The following CARMIL1 variants were observed in gnomAD, a reference collection of about 807,000 sequenced individuals.
The protein encoded by CARMIL1 is capping protein regulator and myosin 1 linker 1.
Under a neutral mutation model 177.1 loss-of-function variants are expected in CARMIL1, and 90 were observed. That is an observed-to-expected ratio of 0.51 (90% CI 0.43 to 0.61). The LOEUF (loss-of-function observed/expected upper bound fraction) is 0.61, where lower values mean the gene tolerates loss of function less well. Ranked by LOEUF, CARMIL1 falls within the 20% of genes least tolerant of loss-of-function variation. CARMIL1 has a pLI of 0.00. For synonymous variants in CARMIL1, 577 were observed against 606.2 expected, an observed-to-expected ratio of 0.95 and a Z score of 0.71; for missense variants, 1,380 against 1,667.0, an observed-to-expected ratio of 0.83 and a Z score of 3.00.
intron 2 of CARMIL1, among the ~76,000 whole-genome samples, chr6:25,293,165 C>A (rs891908799): frequency 3.3e-5 from 5 of 150,098 alleles, no homozygotes; most frequent in Non-Finnish European, 7.4e-5. Flanking sequence ...TTGTCTAAAT[C>A]TTTACGTTAC....
At position 25,556,718 on chromosome 6, in the gene CARMIL1, A is replaced by G. The variant is rs772682048; in HGVS notation, c.2610A>G (p.Arg870=). The change falls in exon 29 of 37, where the codon AGA becomes AGG. Residue 870 remains arginine, a synonymous_variant. Transcript: ENST00000329474. ...CHHKLADHFS[R]RGKTLPQQES... ...CCTTCTAGGCTGACCATTTCAGCAG[A>G]CGTGGCAAGACCCTTCCTCAACAAG... The G allele has an allele frequency of 2.2e-5, 35 of 1,613,064 alleles. No individual in the cohort carries two copies. Among genetic ancestry groups the G allele is most frequent in the Admixed American group, 1.7e-5 (1 of 59,814 alleles).
intron 31 of CARMIL1, among the ~76,000 whole-genome samples, chr6:25,591,008 T>C (rs1309325539): frequency 2.6e-5 from 4 of 152,254 alleles, no homozygotes; most frequent in African/African-American, 9.6e-5. Flanking sequence ...TAATTTTCCA[T>C]GTTTTTTACA....
chr6:25,309,764 ATCTTTTTTTT>A (rs1386826052), intron 2 of CARMIL1, among the ~76,000 whole-genome samples: 1 of 122,612 alleles, frequency 8.2e-6, no homozygotes, highest in African/African-American at 3.5e-5. Flanking sequence ...AATATACCAC[ATCTTTTTTTT>A]TTTTTTTTTT....
chr6:25,377,694 T>G (rs958986002), intron 2 of CARMIL1, among the ~76,000 whole-genome samples: 2 of 152,180 alleles, frequency 1.3e-5, no homozygotes, highest in Non-Finnish European at 2.9e-5. Flanking sequence ...ACTGGTCACA[T>G]GGACAGACTC....
At chr6:25,474,110 A>G (rs988825815) in intron 11 of CARMIL1, among the ~76,000 whole-genome samples, 1 of 142,740 alleles carries the variant, frequency 7.0e-6, no homozygotes, top group Non-Finnish European at 1.5e-5. Flanking sequence ...ATGAGTATTA[A>G]TTTTTTTTTT....
chr6:25,459,122 T>A (rs1453307554), intron 8 of CARMIL1, among the ~76,000 whole-genome samples: 3 of 151,892 alleles, frequency 2.0e-5, no homozygotes, highest in African/African-American at 7.2e-5. Flanking sequence ...TGGAAAGATA[T>A]AAGAGAAAAA....
chr6:25,400,281 T>G (rs1793778688), intron 2 of CARMIL1, among the ~76,000 whole-genome samples: 1 of 152,148 alleles, frequency 6.6e-6, no homozygotes, highest in Non-Finnish European at 1.5e-5. Context: ...GGATAAGGCC[T>G]ATAAAGAAAG....
chr6:25,323,227 A>G (rs1193386027), intron 2 of CARMIL1, among the ~76,000 whole-genome samples: 1 of 151,862 alleles, frequency 6.6e-6, no homozygotes, highest in Non-Finnish European at 1.5e-5. Flanking sequence ...CTGGTGCAGC[A>G]TCTGGAAAAG....
At chr6:25,526,415 TAAA>T (rs112582162) in intron 23 of CARMIL1, among the ~76,000 whole-genome samples, 1 of 151,044 alleles carries the variant, frequency 6.6e-6, no homozygotes, top group Non-Finnish European at 1.5e-5. Flanking sequence ...GCTTTGTTAA[TAAA>T]AAAATAGGTG....
intron 29 of CARMIL1, among the ~76,000 whole-genome samples, chr6:25,561,587 AT>A: frequency 6.6e-6 from 1 of 152,302 alleles, no homozygotes; most frequent in South Asian, 2.1e-4. Flanking sequence ...TTCAGTATAT[AT>A]TTTTTAAGTT....
intron 35 of CARMIL1, among the ~76,000 whole-genome samples, chr6:25,607,951 G>C (rs771518913): frequency 1.3e-5 from 2 of 152,150 alleles, no homozygotes; most frequent in Non-Finnish European, 2.9e-5. Flanking sequence ...GTTTATGATG[G>C]GGAACACAAA....
At chr6:25,597,692 G>C (rs1482478305) in intron 32 of CARMIL1, among the ~76,000 whole-genome samples, 1 of 152,076 alleles carries the variant, frequency 6.6e-6, no homozygotes. Flanking sequence ...TCTGCTGGGG[G>C]ATTCCCTTCA....
At chr6:25,439,039 G>T (rs2150783362) in intron 5 of CARMIL1, among the ~76,000 whole-genome samples, 1 of 152,218 alleles carries the variant, frequency 6.6e-6, no homozygotes, top group South Asian at 2.1e-4. Flanking sequence ...GTTGCTGATG[G>T]ATTAGGTAAG....
At chr6:25,514,758 C>T (rs1039292263) in intron 20 of CARMIL1, among the ~76,000 whole-genome samples, 4 of 151,650 alleles carry the variant, frequency 2.6e-5, no homozygotes, top group South Asian at 2.1e-4. Flanking sequence ...CCTGTCTCTA[C>T]AAAAAATATT....
chr6:25,607,574 G>A (rs1170792576), intron 35 of CARMIL1, among the ~76,000 whole-genome samples: 2 of 152,122 alleles, frequency 1.3e-5, no homozygotes, highest in South Asian at 2.1e-4. Context: ...CGTGGTAACT[G>A]TTTCTATTGA....
intron 2 of CARMIL1, among the ~76,000 whole-genome samples, chr6:25,371,010 T>TTCCTGAGTTACTTC (rs1554180897): frequency 2.0e-5 from 3 of 152,174 alleles, no homozygotes; most frequent in African/African-American, 7.2e-5. Context: ...AGTGAGAACA[T>TTCCTGAGTTACTTC]ACGGTATTTG....
At chr6:25,604,073 A>G (rs1815694292) in intron 33 of CARMIL1, among the ~76,000 whole-genome samples, 1 of 152,072 alleles carries the variant, frequency 6.6e-6, no homozygotes, top group African/African-American at 2.4e-5. Flanking sequence ...TTTGAAAATT[A>G]TATATATATT....
chr6:25,527,686 A>G (rs1214878810), intron 23 of CARMIL1: 3 of 448,544 alleles, frequency 6.7e-6, no homozygotes, highest in East Asian at 7.1e-5. Flanking sequence ...CATTTCAGGT[A>G]TCTTTTCGTT....
intron 2 of CARMIL1, among the ~76,000 whole-genome samples, chr6:25,359,935 AT>A (rs1371318152): frequency 6.6e-6 from 1 of 152,164 alleles, no homozygotes; most frequent in Non-Finnish European, 1.5e-5. Context: ...AACTTTTTTT[AT>A]TTTTAACATG....
Sources: gnomAD v4.1 joint callset for allele counts (sites outside exome capture counted in the v4.1 genomes callset) on GRCh38, gnomAD v4.1.1 for gene constraint, MANE v1.5 for transcripts, NCBI Gene and HGNC (gene_info 2026-07-23, HGNC 2026-07-21) for gene names.